The following DIPK1A variants were observed in gnomAD, a reference collection of about 807,000 sequenced individuals.
The protein encoded by DIPK1A is family with sequence similarity 69 member A.
DIPK1A carries 27 observed loss-of-function variants against 40.8 expected under a neutral mutation model. The observed-to-expected ratio is 0.66, with a 90% confidence interval of 0.49 to 0.91. The LOEUF (loss-of-function observed/expected upper bound fraction) is 0.91. Among genes scored for constraint, DIPK1A ranks in the 40% least tolerant of loss-of-function variants. The pLI, the probability that DIPK1A is intolerant of heterozygous loss-of-function variation, is 0.00. For missense variants in DIPK1A, 412 were observed against 505.7 expected, an observed-to-expected ratio of 0.81 and a Z score of 1.78; for synonymous variants, 166 against 171.3, an observed-to-expected ratio of 0.97 and a Z score of 0.24.
chr1:92,844,193 T>C lies in DIPK1A; in HGVS notation c.477A>G (p.Ala159=). ...AGAGGTTTCCTTGGTCACCCAATTT[T>C]GCCTGTCAAGAATTTGGCTAGTTAC... The part of the protein sequence containing the change: ...FKEMVYSLFK[A]KLGDQGNLSE... The change falls in exon 5 of 5, where the codon GCA becomes GCG. Residue 159 remains alanine, a splice_region_variant and synonymous_variant. Transcript: ENST00000370310. The C allele has an allele frequency of 6.5e-7, 1 of 1,542,400 alleles. No individual in the cohort carries two copies. The highest frequency in any genetic ancestry group is 8.8e-7 in the Non-Finnish European group (1 of 1,140,898).
intron 1 of DIPK1A, among the ~76,000 whole-genome samples, chr1:92,927,853 C>T (rs534561736): frequency 1.3e-5 from 2 of 152,250 alleles, no homozygotes; most frequent in East Asian, 1.9e-4. Context: ...TTTTTCCATT[C>T]GTCAGCTGAT....
Position 92,959,902 on chromosome 1 carries a change from AC to A in DIPK1A, c.54+1473del, listed in dbSNP as rs1162024102. 2.0e-3 allele frequency among the ~76,000 whole-genome samples: 86 copies of A among 43,076 alleles called. 6 individuals are homozygous for A. The highest frequency in any genetic ancestry group is 2.6e-3 in the Non-Finnish European group (67 of 26,066). 28.3% of individuals were successfully genotyped at this position (43,076 alleles called of 152,430 possible). On this transcript the variant is annotated intron_variant, in intron 1 of 4. Coordinates refer to ENST00000370310, the MANE Select transcript of DIPK1A (RefSeq NM_001006605.5). ...AGCTGGGACCACAGGCACCCAACCA[AC>A]TTTTTTTTTTTTTTTTTTTTTTTTG...
chr1:92,960,320 G>A (rs886787438), intron 1 of DIPK1A, among the ~76,000 whole-genome samples: 1 of 152,074 alleles, frequency 6.6e-6, no homozygotes, highest in Non-Finnish European at 1.5e-5. Flanking sequence ...CCTCATGATG[G>A]TTACCTTCTC....
In DIPK1A at chr1:92,959,474, C is replaced by T. The variant is rs548045790; in HGVS notation, c.54+1902G>A. Among the ~76,000 whole-genome samples, 4 of 119,650 alleles carry T rather than the reference C, an allele frequency of 3.3e-5. No individual in the cohort carries two copies. The South Asian group carries it at 8.4e-4, about 25-fold the overall frequency. 78.5% of individuals were successfully genotyped at this position (119,650 alleles called of 152,430 possible). A position where few individuals can be genotyped will look rare whatever the true frequency, so the allele number is the denominator to read the frequency against. ...TTTTTTTTTTTTTTTTTTTTTGAGA[C>T]GGAGTCGCACTCTGTCGCCCAGGCT... On this transcript the variant is annotated intron_variant, in intron 1 of 4. Coordinates refer to ENST00000370310, the MANE Select transcript of DIPK1A (RefSeq NM_001006605.5).
At chr1:92,906,130 T>G (rs1240804428) in intron 1 of DIPK1A, among the ~76,000 whole-genome samples, 1 of 152,164 alleles carries the variant, frequency 6.6e-6, no homozygotes, top group African/African-American at 2.4e-5. Context: ...CCACATAAAT[T>G]TTAGGATTTT....
intron 1 of DIPK1A, among the ~76,000 whole-genome samples, chr1:92,891,248 G>C (rs939902564): frequency 6.7e-6 from 1 of 149,000 alleles, no homozygotes; most frequent in Non-Finnish European, 1.5e-5. Context: ...TACCAATTTT[G>C]TTTGTCTTTT....
intron 1 of DIPK1A, among the ~76,000 whole-genome samples, chr1:92,916,691 C>G (rs957847419): frequency 1.3e-5 from 2 of 152,168 alleles, no homozygotes; most frequent in African/African-American, 4.8e-5. Context: ...CAATCTCCCC[C>G]AGGAGGCCAT....
chr1:92,904,769 T>C (rs1649543182), intron 1 of DIPK1A, among the ~76,000 whole-genome samples: 1 of 152,120 alleles, frequency 6.6e-6, no homozygotes, highest in Non-Finnish European at 1.5e-5. Flanking sequence ...TCTAACTATA[T>C]TTTCATACCC....
At chr1:92,895,649 G>A (rs1417041931) in intron 1 of DIPK1A, among the ~76,000 whole-genome samples, 1 of 152,036 alleles carries the variant, frequency 6.6e-6, no homozygotes, top group Non-Finnish European at 1.5e-5. Context: ...GGAAGTTCTG[G>A]CCAGGGCAAT....
chr1:92,862,418 T>C (rs1557458357), intron 2 of DIPK1A, among the ~76,000 whole-genome samples: 1 of 152,198 alleles, frequency 6.6e-6, no homozygotes, highest in African/African-American at 2.4e-5. Context: ...TTTCTTGTTC[T>C]TCCCAATTTC....
Position 92,959,708 on chromosome 1 carries a change from C to T in DIPK1A, c.54+1668G>A, listed in dbSNP as rs543439994. Reference sequence around the variant, plus strand: ...CCTCGTGATCCGCCCGCCTCGGCCTCCCAAAGTGCATGAGCCACTGCGCCT... The same window carrying T: ...CCTCGTGATCCGCCCGCCTCGGCCTTCCAAAGTGCATGAGCCACTGCGCCT... On this transcript the variant is annotated intron_variant, in intron 1 of 4. Coordinates refer to ENST00000370310, the MANE Select transcript of DIPK1A (RefSeq NM_001006605.5). Among the ~76,000 whole-genome samples, 4 of 151,506 alleles carry T rather than the reference C, an allele frequency of 2.6e-5. No individual in the cohort carries two copies. The South Asian group carries it at 8.4e-4, about 32-fold the overall frequency.
At position 92,842,728 on chromosome 1, in the gene DIPK1A, T is replaced by C. The variant is rs1687425438; in HGVS notation, c.*655A>G. On this transcript the variant is annotated 3_prime_UTR_variant, in exon 5 of 5. Transcript: ENST00000370310. ...GATACTAAGATGGGCCCTTTGAATC[T>C]TTAGGAAAGTTCATCCATTTTTAGT... 18 of 985,442 alleles carry C rather than the reference T, an allele frequency of 1.8e-5. No individual in the cohort carries two copies. Among genetic ancestry groups the C allele is most frequent in the Non-Finnish European group, 2.0e-5 (17 of 829,940 alleles). 61.0% of individuals were successfully genotyped at this position (985,442 alleles called of 1,614,324 possible).
chr1:92,906,401 T>C (rs1213837145), intron 1 of DIPK1A, among the ~76,000 whole-genome samples: 1 of 152,194 alleles, frequency 6.6e-6, no homozygotes, highest in Admixed American at 6.6e-5. Context: ...AATAACTTTA[T>C]AAATGAGGCC....
chr1:92,836,878 C>T (rs933302742), intron 4 of DIPK1A: 5 of 204,446 alleles, frequency 2.4e-5, no homozygotes, highest in Non-Finnish European at 4.0e-5. Flanking sequence ...TTTGTAGTTC[C>T]ATTGGTTTAA....
In DIPK1A at chr1:92,960,756, A is replaced by G. The variant is rs568155600; in HGVS notation, c.54+620T>C. Among the ~76,000 whole-genome samples the G allele has an allele frequency of 5.9e-5, 9 of 152,358 alleles. No homozygotes were observed. In the South Asian group the frequency reaches 1.7e-3, roughly 28 times the overall value. On this transcript the variant is annotated intron_variant, in intron 1 of 4. Transcript: ENST00000370310. Reference sequence around the variant, plus strand: ...ACACCCATCCGCCTGGTTCAGGCTTATCGGTCTCCACCTCCCATTTAAATC... The same window carrying G: ...ACACCCATCCGCCTGGTTCAGGCTTGTCGGTCTCCACCTCCCATTTAAATC...
chr1:92,838,946 CATTG>C (rs1474525897), downstream of DIPK1A, among the ~76,000 whole-genome samples: 4 of 150,868 alleles, frequency 2.7e-5, no homozygotes, highest in Non-Finnish European at 5.9e-5. Flanking sequence ...CACATCTCCA[CATTG>C]ATTGAATAAT....
At position 92,843,339 on chromosome 1, in the gene DIPK1A, T is replaced by A. The variant is rs1408200399; in HGVS notation, c.*44A>T. 2.0e-6 allele frequency: 3 copies of A among 1,463,476 alleles called. No individual in the cohort carries two copies. In the African/African-American group the frequency reaches 4.3e-5, roughly 21 times the overall value. The allele number at this position is 1,463,476 out of a possible 1,614,324, so 90.7% of individuals were successfully genotyped here. A position where few individuals can be genotyped will look rare whatever the true frequency, so the allele number is the denominator to read the frequency against. On this transcript the variant is annotated 3_prime_UTR_variant, in exon 5 of 5. Transcript: ENST00000370310. ...TTTTTTAATGCTCAAAATTGTTCTTTAAAAGTGGCAGGTTTCTTAAAATGG... is the reference window on the plus strand; with the variant it reads ...TTTTTTAATGCTCAAAATTGTTCTTAAAAAGTGGCAGGTTTCTTAAAATGG...
intron 4 of DIPK1A, among the ~76,000 whole-genome samples, chr1:92,835,697 T>C (rs1274508607): frequency 1.3e-5 from 2 of 151,950 alleles, no homozygotes; most frequent in Non-Finnish European, 2.9e-5. Flanking sequence ...CTTAGTGTTT[T>C]GGAGAGTGGC....
At chr1:92,912,510 G>A (rs770734292) in intron 1 of DIPK1A, among the ~76,000 whole-genome samples, 16 of 152,172 alleles carry the variant, frequency 1.1e-4, no homozygotes, top group African/African-American at 3.6e-4. Context: ...GAACTAAAGT[G>A]TTATATGAAT....
Sources: gnomAD v4.1 joint callset for allele counts (sites outside exome capture counted in the v4.1 genomes callset) on GRCh38, gnomAD v4.1.1 for gene constraint, MANE v1.5 for transcripts, NCBI Gene and HGNC (gene_info 2026-07-23, HGNC 2026-07-21) for gene names.